The following RFC5 variants were observed in gnomAD, a reference collection of about 807,000 sequenced individuals.
RFC5 encodes the protein replication factor C subunit 5.
In RFC5, 26 loss-of-function variants were observed where a neutral mutation model predicts 44.3. The ratio of observed to expected loss-of-function variants is 0.59; its 90% CI spans 0.43 to 0.81. The LOEUF is 0.81. Among genes scored for constraint, RFC5 ranks in the 40% least tolerant of loss-of-function variants. RFC5 has a pLI of 0.00. For synonymous variants in RFC5, 155 were observed against 155.2 expected (o/e 1.00, Z 0.01); for missense variants, 328 against 418.6 (o/e 0.78, Z 1.89).
At chr12:118,020,497 T>C (rs956307673) in intron 3 of RFC5, among the ~76,000 whole-genome samples, 2 of 152,216 alleles carry the variant, frequency 1.3e-5, no homozygotes, top group Non-Finnish European at 2.9e-5. Flanking sequence ...GTATTGTCTA[T>C]TGCAAGAAAA....
chr12:118,039,010 C>G, the RFC5 span, among the ~76,000 whole-genome samples: 4 of 152,114 alleles, frequency 2.6e-5, no homozygotes, highest in Admixed American at 2.6e-4. Flanking sequence ...AGAGAATGTT[C>G]TTTTTAGGCT....
In RFC5 at chr12:118,025,728, T is replaced by G. The variant is rs1296173313; in HGVS notation, c.582-19T>G. 6.5e-7 allele frequency: 1 copy of G among 1,530,434 alleles called. No homozygotes were observed. The highest frequency in any genetic ancestry group is 9.0e-7 in the Non-Finnish European group (1 of 1,105,020). The allele number at this position is 1,530,434 out of a possible 1,614,324, so 94.8% of individuals were successfully genotyped here. A position where few individuals can be genotyped will look rare whatever the true frequency, so the allele number is the denominator to read the frequency against. On this transcript the variant is annotated intron_variant, in intron 6 of 10. Transcript: ENST00000454402. The stretch of plus-strand genomic sequence containing the variant: ...GCTCTCAGGGGGCCTCATAAATCCC[T>G]TTTGCTTATTTCTTTCAGAGTTGAT...
At chr12:118,036,827 A>G (rs945277531), downstream of RFC5, among the ~76,000 whole-genome samples, 1 of 152,202 alleles carries the variant, frequency 6.6e-6, no homozygotes, top group Non-Finnish European at 1.5e-5. Context: ...CTGTTTGCCA[A>G]TAGGGTAGTC....
chr12:118,027,138 G>A, intron 8 of RFC5, 120 bp downstream of exon 8: 1 of 1,006,888 alleles, frequency 9.9e-7, no homozygotes, highest in Non-Finnish European at 1.5e-6. Context: ...ACTCTGGTCA[G>A]CTTGTTGTGG....
intron 8 of RFC5, chr12:118,027,271 G>T: frequency 2.2e-6 from 1 of 456,126 alleles, no homozygotes. Flanking sequence ...TGGGAGAAAA[G>T]CTTAGGCCTT....
At chr12:118,024,077 A>G (rs981725083) in intron 5 of RFC5, among the ~76,000 whole-genome samples, 15 of 151,992 alleles carry the variant, frequency 9.9e-5, no homozygotes, top group South Asian at 2.1e-4. Flanking sequence ...TTGGCCTGGC[A>G]CAGTGGCTCA....
chr12:118,039,427 G>T, the RFC5 span, among the ~76,000 whole-genome samples: 1 of 152,154 alleles, frequency 6.6e-6, no homozygotes, highest in Non-Finnish European at 1.5e-5. Flanking sequence ...GAGATGCAGG[G>T]AAAAATCGTG....
At chr12:118,036,219 C>G, downstream of RFC5, 2 of 1,231,094 alleles carry the variant, frequency 1.6e-6, no homozygotes, top group Non-Finnish European at 2.3e-6. Context: ...ACCCACTGTG[C>G]CTTTTTATCC....
downstream of RFC5, chr12:118,032,960 A>T (rs1248031938): frequency 1.3e-5 from 2 of 152,156 alleles, no homozygotes; most frequent in Non-Finnish European, 2.9e-5. Flanking sequence ...CATTTTGAAA[A>T]GACATGTTTT....
chr12:118,033,986 T>C, downstream of RFC5: 2 of 623,206 alleles, frequency 3.2e-6, no homozygotes, highest in South Asian at 4.3e-5. Flanking sequence ...GCCGTGCAAG[T>C]GGAATCTCTT....
At position 118,025,771 on chromosome 12, in the gene RFC5, G is replaced by T. The variant is rs762448781; in HGVS notation, c.606G>T (p.Met202Ile). ...EEKVDISEDG[M>I]KALVTLSSGD... Reference sequence around the variant, plus strand: ...GAGTTGATATAAGTGAAGATGGAATGAAAGCACTAGTCACTCTTTCCAGTG... The same window carrying T: ...GAGTTGATATAAGTGAAGATGGAATTAAAGCACTAGTCACTCTTTCCAGTG... Residue 202 changes from methionine (M) to isoleucine (I), a missense_variant, in exon 7 of 11, where the codon ATG becomes ATT. Met to Ile is a conservative substitution (Grantham distance 10, BLOSUM62 1). Transcript: ENST00000454402. 16 of 1,607,876 alleles carry T rather than the reference G, an allele frequency of 1.0e-5. No individual in the cohort carries two copies. The Admixed American group carries it at 2.7e-4, about 27-fold the overall frequency.
In RFC5 at chr12:118,031,493, A is replaced by G. The variant is rs2031321151; in HGVS notation, c.*215A>G. On this transcript the variant is annotated 3_prime_UTR_variant, in exon 11 of 11. Transcript: ENST00000454402. Reference sequence around the variant, plus strand: ...TGTACAAAATAATTTTAATGTATTAACTCATACTGCCTGTCTTTTATAGGG... The same window carrying G: ...TGTACAAAATAATTTTAATGTATTAGCTCATACTGCCTGTCTTTTATAGGG... 2.7e-6 allele frequency: 1 copy of G among 368,652 alleles called. No homozygotes were observed. The highest frequency in any genetic ancestry group is 2.1e-5 in the African/African-American group (1 of 47,854). 22.8% of individuals were successfully genotyped at this position (368,652 alleles called of 1,614,324 possible).
chr12:118,034,456 G>A, downstream of RFC5: 1 of 1,406,976 alleles, frequency 7.1e-7, no homozygotes, highest in Non-Finnish European at 9.7e-7. Context: ...CAAAGAGCAG[G>A]AGACTTCGGA....
In RFC5 at chr12:118,019,490, T is replaced by A; in HGVS notation, c.131-142T>A. The A allele has an allele frequency of 1.2e-6, 1 of 852,768 alleles. No homozygotes were observed. Among genetic ancestry groups the A allele is most frequent in the East Asian group, 2.4e-5 (1 of 41,194 alleles). 52.8% of individuals were successfully genotyped at this position (852,768 alleles called of 1,614,324 possible). ...TCCAGTTGTTCCACGAAAGTAGATA[T>A]GAGGCCCCTACATCAAGTTGTATCT... On this transcript the variant is annotated intron_variant, in intron 2 of 10. Transcript: ENST00000454402. The surrounding 1 kb of genome is among the most constrained non-coding windows in gnomAD (Gnocchi z 4.2).
chr12:118,026,941 C>A lies in RFC5; in HGVS notation c.716C>A (p.Thr239Asn). The A allele has an allele frequency of 1.2e-6, 2 of 1,614,042 alleles. No individual in the cohort carries two copies. The highest frequency in any genetic ancestry group is 1.7e-6 in the Non-Finnish European group (2 of 1,179,966). Residue 239 changes from threonine to asparagine, a missense_variant, in exon 8 of 11, where the codon ACC (threonine) becomes AAC (asparagine). Physicochemically the swap from Thr to Asn is moderately conservative, Grantham distance 65. Transcript: ENST00000454402. ...ACAGAGGAGACTGTCTACACCTGCA[C>A]CGGGCACCCGCTCAAGTCAGACATT... ...KVTEETVYTCTGHPLKSDIAN... is the reference protein window; with the variant it reads ...KVTEETVYTCNGHPLKSDIAN...
At chr12:118,034,574 G>GCTCTCTCTCTCTCTCT (rs368693869), downstream of RFC5, 397 of 529,290 alleles carry the variant, frequency 7.5e-4, 2 homozygotes, top group Middle Eastern at 1.1e-3. Flanking sequence ...ATACCAAAGC[G>GCTCTCTCTCTCTCTCT]CTCTCTCTGT....
At chr12:118,031,033 A>C (rs779558619) in intron 10 of RFC5, 149 bp from the exon 11 acceptor site, 11 of 590,864 alleles carry the variant, frequency 1.9e-5, no homozygotes, top group Non-Finnish European at 2.8e-5. Context: ...AGGGGGACAC[A>C]TACAAGATTG....
chr12:118,028,500 C>A (rs75855017), intron 9 of RFC5, among the ~76,000 whole-genome samples: 11,262 of 143,936 alleles, frequency 0.078, 900 homozygotes, highest in East Asian at 0.38. Context: ...AAAAACAAAA[C>A]AAAACACAAA....
intron 3 of RFC5, among the ~76,000 whole-genome samples, chr12:118,020,658 C>T (rs994053323): frequency 2.6e-5 from 4 of 152,150 alleles, no homozygotes; most frequent in Non-Finnish European, 5.9e-5. Context: ...TGTAACCATA[C>T]CAATTAATTA....
Sources: allele counts gnomAD v4.1 joint callset (sites outside exome capture counted in the v4.1 genomes callset), GRCh38; gene constraint gnomAD v4.1.1; non-coding constraint Gnocchi (gnomAD v3.1); transcripts MANE v1.5; gene names NCBI Gene and HGNC (gene_info 2026-07-23, HGNC 2026-07-21).